Variants in PRKCE observed in about 807,000 individuals in gnomAD.
The protein encoded by PRKCE is protein kinase C epsilon type.
In PRKCE, 16 loss-of-function variants were observed where a neutral mutation model predicts 85.4. The observed-to-expected ratio is 0.19, with a 90% CI of 0.13 to 0.28. PRKCE has a LOEUF of 0.28. Ranked by LOEUF, PRKCE falls within the 10% of genes least tolerant of loss-of-function variation. PRKCE has a pLI of 1.00. For missense variants in PRKCE, 573 were observed against 975.2 expected, an observed-to-expected ratio of 0.59 and a Z score of 5.49; for synonymous variants, 388 against 371.5, an observed-to-expected ratio of 1.04 and a Z score of -0.51.
chr2:45,789,309 T>C (rs1316496067), intron 1 of PRKCE, among the ~76,000 whole-genome samples: 1 of 152,242 alleles, frequency 6.6e-6, no homozygotes, highest in African/African-American at 2.4e-5. Flanking sequence ...GACCATAAGA[T>C]TGACCATATT....
At chr2:45,957,354 C>T (rs1701040912) in intron 2 of PRKCE, among the ~76,000 whole-genome samples, 1 of 152,212 alleles carries the variant, frequency 6.6e-6, no homozygotes, top group Admixed American at 6.5e-5. Context: ...GTCCAAGCAC[C>T]ACTTGTTGAA....
intron 1 of PRKCE, among the ~76,000 whole-genome samples, chr2:45,744,461 CTT>C (rs1274322310): frequency 7.3e-4 from 41 of 56,432 alleles, no homozygotes; most frequent in South Asian, 6.6e-3. Flanking sequence ...TTCTTTCTTT[CTT>C]TCTTTCTTTC....
At chr2:45,695,278 G>A (rs1044117251) in intron 1 of PRKCE, among the ~76,000 whole-genome samples, 4 of 152,038 alleles carry the variant, frequency 2.6e-5, no homozygotes, top group African/African-American at 4.8e-5. Flanking sequence ...CTCTGTTCCC[G>A]CGATGATTTT....
intron 14 of PRKCE, among the ~76,000 whole-genome samples, chr2:46,170,028 T>G (rs1481142330): frequency 1.3e-5 from 2 of 152,228 alleles, no homozygotes; most frequent in Non-Finnish European, 2.9e-5. Flanking sequence ...CCCAGCCATG[T>G]GAGAGCAGGG....
chr2:46,010,275 T>C (rs2104796168), intron 9 of PRKCE, 69 bp from the exon 10 acceptor site: 1 of 1,444,414 alleles, frequency 6.9e-7, no homozygotes, highest in Non-Finnish European at 9.2e-7. Context: ...AAGTATTTGG[T>C]ATTAGCTTAC....
At chr2:45,944,453 C>T (rs143683827) in intron 2 of PRKCE, among the ~76,000 whole-genome samples, 174 of 152,148 alleles carry the variant, frequency 1.1e-3, no homozygotes, top group African/African-American at 4.1e-3. Context: ...AAGATCTGTA[C>T]GTTTTACTTT....
chr2:45,679,350 A>G (rs974818363), intron 1 of PRKCE, among the ~76,000 whole-genome samples: 3 of 152,238 alleles, frequency 2.0e-5, no homozygotes, highest in African/African-American at 7.2e-5. Context: ...GGAGAAAGCA[A>G]TGTGTCTTAC....
intron 10 of PRKCE, among the ~76,000 whole-genome samples, chr2:46,042,406 T>C (rs1341330560): frequency 6.6e-6 from 1 of 152,188 alleles, no homozygotes; most frequent in Non-Finnish European, 1.5e-5. Flanking sequence ...CAAGGAGCAT[T>C]GGTAAGAAAA....
intron 8 of PRKCE, among the ~76,000 whole-genome samples, chr2:46,005,808 C>T (rs979048026): frequency 5.9e-5 from 9 of 152,168 alleles, no homozygotes; most frequent in African/African-American, 2.2e-4. Context: ...TACCTCATTC[C>T]AAATGAGATT....
chr2:45,900,431 C>A (rs978377251), intron 2 of PRKCE, among the ~76,000 whole-genome samples: 2 of 152,216 alleles, frequency 1.3e-5, no homozygotes, highest in Non-Finnish European at 2.9e-5. Context: ...ATATTATTCA[C>A]CCCCAAAAGG....
intron 11 of PRKCE, among the ~76,000 whole-genome samples, 172 bp downstream of exon 11, chr2:46,086,534 A>G (rs1409500537): frequency 1.3e-5 from 2 of 152,114 alleles, no homozygotes; most frequent in Non-Finnish European, 2.9e-5. Context: ...ATTCCTGTGA[A>G]TGTTAGTATT....
chr2:45,862,183 T>TACAC (rs6146747), intron 2 of PRKCE, among the ~76,000 whole-genome samples: 6,828 of 143,908 alleles, frequency 0.047, 260 homozygotes, highest in African/African-American at 0.1. Flanking sequence ...TCTTCTTGTA[T>TACAC]ACACACACAC....
At chr2:45,751,835 T>TTTTTTTA (rs1683591357) in intron 1 of PRKCE, among the ~76,000 whole-genome samples, 1 of 103,190 alleles carries the variant, frequency 9.7e-6, no homozygotes, top group African/African-American at 3.7e-5. Flanking sequence ...TTTTTTTTTT[T>TTTTTTTA]GAGACGGAGG....
intron 11 of PRKCE, among the ~76,000 whole-genome samples, chr2:46,136,936 A>T (rs1675061049): frequency 6.6e-6 from 1 of 152,234 alleles, no homozygotes. Flanking sequence ...ATCCCACAGC[A>T]TCTATCTCAG....
At chr2:46,105,290 A>G (rs1261575713) in intron 11 of PRKCE, among the ~76,000 whole-genome samples, 1 of 152,092 alleles carries the variant, frequency 6.6e-6, no homozygotes, top group Non-Finnish European at 1.5e-5. Flanking sequence ...TTCTTGAATC[A>G]TATTAGAGTC....
chr2:45,761,261 A>G (rs1015579664), intron 1 of PRKCE, among the ~76,000 whole-genome samples: 24 of 139,704 alleles, frequency 1.7e-4, no homozygotes, highest in Admixed American at 1.1e-3. Flanking sequence ...CGGGAGGCAG[A>G]GCTTGCAGTA....
chr2:45,948,172 T>TGG (rs1206356133), intron 2 of PRKCE, among the ~76,000 whole-genome samples: 1 of 152,216 alleles, frequency 6.6e-6, no homozygotes, highest in Non-Finnish European at 1.5e-5. Context: ...TTCAATGCAC[T>TGG]GGGGTTAAGT....
intron 1 of PRKCE, among the ~76,000 whole-genome samples, chr2:45,692,229 C>A (rs1027577353): frequency 6.6e-6 from 1 of 152,168 alleles, no homozygotes; most frequent in Non-Finnish European, 1.5e-5. Flanking sequence ...GGGTGGATTA[C>A]AAGCACAGAA....
chr2:45,996,550 G>A (rs1034101197), intron 6 of PRKCE, among the ~76,000 whole-genome samples: 3 of 151,892 alleles, frequency 2.0e-5, no homozygotes, highest in African/African-American at 7.3e-5. Context: ...AAATAGGTTT[G>A]GATTTTGTCA....
Sources: gnomAD v4.1 joint callset for allele counts (sites outside exome capture counted in the v4.1 genomes callset) on GRCh38, gnomAD v4.1.1 for gene constraint, MANE v1.5 for transcripts, NCBI Gene and HGNC (gene_info 2026-07-23, HGNC 2026-07-21) for gene names.